Variants in ST3GAL1 observed in about 807,000 individuals in gnomAD.
ST3GAL1 encodes CMP-N-acetylneuraminate-beta-galactosamide-alpha-2,3-sialyltransferase 1.
In ST3GAL1, 16 loss-of-function variants were observed where a neutral mutation model predicts 34.1. That is an observed-to-expected ratio of 0.47 (90% CI 0.32 to 0.71). The LOEUF is 0.71. ST3GAL1 is among the 30% of genes least tolerant of loss of function. The pLI, the probability that ST3GAL1 is intolerant of heterozygous loss-of-function variation, is 0.04. For synonymous variants in ST3GAL1, 191 were observed against 184.7 expected, an observed-to-expected ratio of 1.03 and a Z score of -0.28; for missense variants, 353 against 447.4, an observed-to-expected ratio of 0.79 and a Z score of 1.90.
intron 1 of ST3GAL1, among the ~76,000 whole-genome samples, chr8:133,563,679 G>A (rs934648099): frequency 5.3e-5 from 8 of 152,190 alleles, no homozygotes; most frequent in African/African-American, 1.4e-4. Context: ...AATTTCCCCC[G>A]TAAGAGGGTG....
chr8:133,470,377 C>T (rs1815903944), intron 5 of ST3GAL1, among the ~76,000 whole-genome samples: 1 of 151,820 alleles, frequency 6.6e-6, no homozygotes, highest in South Asian at 2.1e-4. Context: ...CGAGATCACG[C>T]CATTGCACTC....
chr8:133,557,702 G>C (rs1293985473), intron 1 of ST3GAL1, among the ~76,000 whole-genome samples: 2 of 152,252 alleles, frequency 1.3e-5, no homozygotes, highest in Non-Finnish European at 2.9e-5. Context: ...ACAAAAATTA[G>C]CCAGGCGTGG....
chr8:133,501,392 C>T (rs1021642697), intron 2 of ST3GAL1, among the ~76,000 whole-genome samples: 1 of 152,134 alleles, frequency 6.6e-6, no homozygotes, highest in Non-Finnish European at 1.5e-5. Flanking sequence ...GGAGCAGTAG[C>T]TGTGGGAGAG....
At chr8:133,536,784 T>C (rs1261501506) in intron 2 of ST3GAL1, among the ~76,000 whole-genome samples, 2 of 152,138 alleles carry the variant, frequency 1.3e-5, no homozygotes, top group African/African-American at 4.8e-5. Flanking sequence ...CTCACAGAAC[T>C]CTCCCAAGTG....
intron 9 of ST3GAL1, among the ~76,000 whole-genome samples, chr8:133,460,352 A>T (rs1413924287): frequency 6.6e-6 from 1 of 152,116 alleles, no homozygotes; most frequent in Non-Finnish European, 1.5e-5. Context: ...CAGCTCTGCC[A>T]CTCCGTGGTG....
rs935114089 is a variant in ST3GAL1 at position 133,570,029 on chromosome 8, C to G, written c.-582+1664G>C. 1.3e-5 allele frequency: 2 copies of G among 152,316 alleles called. No individual in the cohort carries two copies. The highest frequency in any genetic ancestry group is 2.4e-5 in the African/African-American group (1 of 41,456). 9.4% of individuals were successfully genotyped at this position (152,316 alleles called of 1,614,324 possible). A position where few individuals can be genotyped will look rare whatever the true frequency, so the allele number is the denominator to read the frequency against. The stretch of plus-strand genomic sequence containing the variant: ...CCTGCCAGCACCTTCCACCTTGGGG[C>G]CTTGTCAATGAACACTGCGTTAGCA... On this transcript the variant is annotated intron_variant, in intron 1 of 9. Transcript: ENST00000522652. This position sits in a 1 kb window ranked among gnomAD's most constrained non-coding sequence, Gnocchi z 5.6.
chr8:133,465,978 C>G lies in ST3GAL1; in HGVS notation c.419G>C (p.Arg140Pro). The change falls in exon 6 of 10, where the codon CGG becomes CCG. Residue 140 changes from arginine to proline, a missense_variant. Transcript: ENST00000522652. The part of the protein sequence containing the change: ...PMLEKRSVGC[R>P]RCAVVGNSGN... ...CGAGTTGCCCACAACGGCGCAGCGC[C>G]GGCAGCCCACCGACCTCTTCTCCAG... The G allele has an allele frequency of 6.2e-7, 1 of 1,614,148 alleles. No homozygotes were observed. The highest frequency in any genetic ancestry group is 8.5e-7 in the Non-Finnish European group (1 of 1,180,010).
intron 1 of ST3GAL1, among the ~76,000 whole-genome samples, chr8:133,553,890 C>T (rs11775725): frequency 0.17 from 25,984 of 152,034 alleles, 2,277 homozygotes; most frequent in East Asian, 0.3. Flanking sequence ...ATCTAAGAGG[C>T]CTCACAGTGA....
chr8:133,534,643 G>A (rs75058587), intron 2 of ST3GAL1, among the ~76,000 whole-genome samples: 6,739 of 152,274 alleles, frequency 0.044, 317 homozygotes, highest in East Asian at 0.22. Flanking sequence ...CATGGGGTCC[G>A]CCCATTTCCA....
At chr8:133,497,497 G>C (rs1816996151) in intron 3 of ST3GAL1, among the ~76,000 whole-genome samples, 1 of 106,458 alleles carries the variant, frequency 9.4e-6, no homozygotes, top group Admixed American at 1.5e-4. Flanking sequence ...GTGAGACGGA[G>C]TCTCGCTCTT....
chr8:133,488,566 C>T (rs7827061), intron 3 of ST3GAL1: 29,988 of 152,204 alleles, frequency 0.2, 3,398 homozygotes, highest in East Asian at 0.52. Context: ...GAACCAGTTC[C>T]GAAAGTTGAA....
At chr8:133,524,854 C>T (rs1408232623) in intron 2 of ST3GAL1, among the ~76,000 whole-genome samples, 1 of 152,242 alleles carries the variant, frequency 6.6e-6, no homozygotes, top group Non-Finnish European at 1.5e-5. Flanking sequence ...TAGGAGAACA[C>T]GGTGGCACCC....
In ST3GAL1 at chr8:133,455,066, C is replaced by G. The variant is rs1167421346; in HGVS notation, c.*4698G>C. The G allele has an allele frequency of 6.6e-6, 1 of 152,158 alleles. No individual in the cohort carries two copies. Among genetic ancestry groups the G allele is most frequent in the Non-Finnish European group, 1.5e-5 (1 of 68,054 alleles). 9.4% of individuals were successfully genotyped at this position (152,158 alleles called of 1,614,324 possible). On this transcript the variant is annotated 3_prime_UTR_variant, in exon 10 of 10. Transcript: ENST00000522652. ...ACACCCAAACACACAAGACTGCACA[C>G]AAGAAAAAGTGCTCAAGAAACTTTG...
chr8:133,475,834 C>T lies in ST3GAL1; in HGVS notation c.191G>A (p.Cys64Tyr). The T allele has an allele frequency of 6.2e-7, 1 of 1,614,130 alleles. No individual in the cohort carries two copies. Among genetic ancestry groups the T allele is most frequent in the Non-Finnish European group, 8.5e-7 (1 of 1,180,028 alleles). The change falls in exon 5 of 10, where the codon TGC becomes TAC. Residue 64 changes from cysteine to tyrosine, a missense_variant. Cys to Tyr is a radical substitution (Grantham distance 194). Coordinates refer to ENST00000522652, the MANE Select transcript of ST3GAL1 (RefSeq NM_173344.3). ...IKHRPCTCTH[C>Y]IGQRKLSAWF... is the part of the protein sequence containing the mutation. ...GGCCGAGAGCTTGCGCTGCCCGATG[C>T]AGTGGGTGCAGGTGCAAGGCCTGTG...
At chr8:133,548,422 G>C (rs568686611) in intron 1 of ST3GAL1, among the ~76,000 whole-genome samples, 1 of 152,108 alleles carries the variant, frequency 6.6e-6, no homozygotes, top group Non-Finnish European at 1.5e-5. Flanking sequence ...ACTGCCCCTC[G>C]ATATTTTCAG....
At chr8:133,509,825 AG>A (rs1817453431) in intron 2 of ST3GAL1, among the ~76,000 whole-genome samples, 2 of 152,326 alleles carry the variant, frequency 1.3e-5, no homozygotes, top group East Asian at 3.9e-4. Context: ...TGGGAGGCCA[AG>A]GCGGGTGGAT....
chr8:133,550,202 G>A (rs1396093901), intron 1 of ST3GAL1, among the ~76,000 whole-genome samples: 1 of 152,178 alleles, frequency 6.6e-6, no homozygotes, highest in Non-Finnish European at 1.5e-5. Context: ...TAAAAGCCAT[G>A]TCCCAGTTCT....
intron 1 of ST3GAL1, among the ~76,000 whole-genome samples, chr8:133,553,089 C>A (rs1049853589): frequency 1.3e-5 from 2 of 152,098 alleles, no homozygotes; most frequent in Non-Finnish European, 2.9e-5. Context: ...GTAGAGACGG[C>A]GCCAGGGCTG....
chr8:133,479,407 A>C (rs1462130418), intron 3 of ST3GAL1, among the ~76,000 whole-genome samples: 1 of 152,108 alleles, frequency 6.6e-6, no homozygotes, highest in East Asian at 1.9e-4. Context: ...CACAGTCAAG[A>C]CTAAGTTTTC....
Sources: gnomAD v4.1 joint callset for allele counts (sites outside exome capture counted in the v4.1 genomes callset) on GRCh38, gnomAD v4.1.1 for gene constraint, Gnocchi (gnomAD v3.1) non-coding constraint, MANE v1.5 for transcripts, NCBI Gene and HGNC (gene_info 2026-07-23, HGNC 2026-07-21) for gene names.